ZNF846: variants seen among roughly 807,000 people sequenced by gnomAD.
The protein encoded by ZNF846 is zinc finger protein 846.
A neutral mutation model predicts 16.0 loss-of-function variants in ZNF846; 15 were observed. The observed-to-expected ratio is 0.94, with a 90% CI of 0.63 to 1.45. ZNF846 has a LOEUF of 1.45. Ranked by LOEUF, ZNF846 falls within the 40% of genes most tolerant of loss-of-function variation. ZNF846 has a pLI of 0.00. For synonymous variants in ZNF846, 229 were observed against 212.0 expected (o/e 1.08, Z -0.70); for missense variants, 714 against 622.3 (o/e 1.15, Z -1.57).
chr19:9,765,562 G>T (rs957669072), intron 1 of ZNF846, among the ~76,000 whole-genome samples: 3 of 151,974 alleles, frequency 2.0e-5, no homozygotes, highest in Non-Finnish European at 4.4e-5. Flanking sequence ...AGTCCCAGCA[G>T]CTGGGGAGGC....
upstream of ZNF846, among the ~76,000 whole-genome samples, chr19:9,770,063 T>C (rs762161784): frequency 6.6e-6 from 1 of 152,192 alleles, no homozygotes; most frequent in Non-Finnish European, 1.5e-5. Context: ...TTTAGGCCTT[T>C]AGTTTTGTTG....
exon 1 of ZNF846, chr19:9,768,592 G>C (rs1016228400): frequency 6.6e-6 from 1 of 152,322 alleles, no homozygotes; most frequent in Non-Finnish European, 1.5e-5. Context: ...GCGCGTCTCA[G>C]ACCTAGCAGA....
downstream of ZNF846, among the ~76,000 whole-genome samples, chr19:9,752,956 G>T (rs1009826255): frequency 2.0e-5 from 3 of 148,190 alleles, no homozygotes; most frequent in Admixed American, 2.0e-4. Flanking sequence ...TTATTTCTCC[G>T]AGTTCTGGAG....
chr19:9,749,589 C>T (rs1434732251), downstream of ZNF846, among the ~76,000 whole-genome samples: 2 of 137,638 alleles, frequency 1.5e-5, no homozygotes, highest in African/African-American at 5.6e-5. Flanking sequence ...CACTCTTATC[C>T]TTGCCCCTAT....
downstream of ZNF846, among the ~76,000 whole-genome samples, chr19:9,751,035 C>T (rs2090750927): frequency 6.6e-6 from 1 of 152,138 alleles, no homozygotes; most frequent in Non-Finnish European, 1.5e-5. Context: ...TTATGCTGGA[C>T]CCACCTGGCC....
chr19:9,760,776 T>C (rs2045213815), intron 4 of ZNF846, among the ~76,000 whole-genome samples: 2 of 151,500 alleles, frequency 1.3e-5, no homozygotes, highest in African/African-American at 2.4e-5. Flanking sequence ...TTACATTGTA[T>C]GATTCCATTT....
At chr19:9,758,526 T>A in exon 6 of ZNF846, 4 of 1,613,424 alleles carry the variant, frequency 2.5e-6, no homozygotes, top group Non-Finnish European at 3.4e-6. Flanking sequence ...CCTAGTAAGA[T>A]TTGGAAACTG....
intron 1 of ZNF846, among the ~76,000 whole-genome samples, chr19:9,782,855 G>A (rs763171007): frequency 6.6e-6 from 1 of 152,058 alleles, no homozygotes; most frequent in Non-Finnish European, 1.5e-5. Context: ...CTCTCAAAAT[G>A]CACACCTGTG....
upstream of ZNF846, among the ~76,000 whole-genome samples, chr19:9,770,953 G>T (rs1018799182): frequency 6.6e-6 from 1 of 151,942 alleles, no homozygotes; most frequent in Non-Finnish European, 1.5e-5. Context: ...ATGGAAAAAG[G>T]TTTATTTATT....
chr19:9,761,253 C>T (rs1280663501), intron 4 of ZNF846, among the ~76,000 whole-genome samples: 1 of 151,710 alleles, frequency 6.6e-6, no homozygotes, highest in Admixed American at 6.6e-5. Context: ...GAGCTGATAG[C>T]TACACAACAC....
intron 1 of ZNF846, among the ~76,000 whole-genome samples, chr19:9,766,166 T>C (rs2045312416): frequency 6.6e-6 from 1 of 152,088 alleles, no homozygotes; most frequent in Non-Finnish European, 1.5e-5. Flanking sequence ...ACGCCTGTAA[T>C]CCCGGCACTT....
At chr19:9,775,525 A>G (rs901584203) in intron 1 of ZNF846, among the ~76,000 whole-genome samples, 1 of 152,204 alleles carries the variant, frequency 6.6e-6, no homozygotes, top group African/African-American at 2.4e-5. Flanking sequence ...GCAGTTTGCA[A>G]TGAAAGGTGC....
chr19:9,777,531 C>T (rs2045458972), intron 1 of ZNF846, among the ~76,000 whole-genome samples: 2 of 151,692 alleles, frequency 1.3e-5, no homozygotes, highest in South Asian at 2.1e-4. Context: ...ATTAGCTGGG[C>T]GTGGTGGCAT....
At chr19:9,774,822 T>C in intron 1 of ZNF846, 3 of 1,607,698 alleles carry the variant, frequency 1.9e-6, no homozygotes, top group Non-Finnish European at 2.6e-6. Context: ...CAGTCCCTCA[T>C]AGCACTGGTG....
In ZNF846 at chr19:9,760,228, G is replaced by A. The variant is rs141783590; in HGVS notation, c.230-286C>T. 3.6e-3 allele frequency among the ~76,000 whole-genome samples: 543 copies of A among 151,406 alleles called. 5 individuals are homozygous for A. The highest frequency in any genetic ancestry group is 5.6e-3 in the Non-Finnish European group (382 of 67,982). On this transcript the variant is annotated intron_variant, in intron 4 of 5. Transcript: ENST00000397902. ...GAATCACTTGAACCCAGAGGGTGGAGGTTGCGGTGAGGTGAGATCCACCAC... is the reference window on the plus strand; with the variant it reads ...GAATCACTTGAACCCAGAGGGTGGAAGTTGCGGTGAGGTGAGATCCACCAC...
At chr19:9,756,407 C>T (rs1348051242), downstream of ZNF846, 2 of 132,266 alleles carry the variant, frequency 1.5e-5, no homozygotes, top group Non-Finnish European at 3.1e-5. Context: ...ATATTTCTAA[C>T]ATTCATAATG....
chr19:9,766,996 A>AT (rs369718875), intron 1 of ZNF846, among the ~76,000 whole-genome samples: 1,672 of 145,708 alleles, frequency 0.011, 26 homozygotes, highest in African/African-American at 0.029. Flanking sequence ...TTATTTATTT[A>AT]TTTTTTTTTT....
intron 2 of ZNF846, among the ~76,000 whole-genome samples, chr19:9,763,663 G>C (rs984186867): frequency 6.6e-6 from 1 of 152,102 alleles, no homozygotes; most frequent in Non-Finnish European, 1.5e-5. Flanking sequence ...TCTATTTATA[G>C]GTGCAGTCTG....
chr19:9,774,757 G>A (rs967169788), intron 1 of ZNF846: 21 of 1,568,202 alleles, frequency 1.3e-5, no homozygotes, highest in Non-Finnish European at 1.5e-5. Context: ...AGGTCTGTCT[G>A]TCAGTAATTA....
Sources: allele counts gnomAD v4.1 joint callset (sites outside exome capture counted in the v4.1 genomes callset), GRCh38; gene constraint gnomAD v4.1.1; transcripts MANE v1.5; gene names NCBI Gene and HGNC (gene_info 2026-07-23, HGNC 2026-07-21).